The following SYT14 variants were observed in gnomAD, a reference collection of about 807,000 sequenced individuals.
SYT14 encodes the protein synaptotagmin-14.
A neutral mutation model predicts 74.2 loss-of-function variants in SYT14; 32 were observed. That is an observed-to-expected ratio of 0.43 (90% CI 0.33 to 0.58). SYT14 has a LOEUF of 0.58. Among genes scored for constraint, SYT14 ranks in the 20% least tolerant of loss-of-function variants. The pLI is 0.05. For missense variants in SYT14, 791 were observed against 981.8 expected (o/e 0.81, Z 2.60); for synonymous variants, 298 against 337.7 (o/e 0.88, Z 1.29).
At chr1:210,099,702 T>C (rs2082026749) in intron 6 of SYT14, among the ~76,000 whole-genome samples, 1 of 152,352 alleles carries the variant, frequency 6.6e-6, no homozygotes, top group East Asian at 1.9e-4. Flanking sequence ...GGAGCAGATA[T>C]ACCCACTAAA....
At position 209,944,512 on chromosome 1, in the gene SYT14, T is replaced by G. The variant is rs373271599; in HGVS notation, c.-534+6235T>G. Among the ~76,000 whole-genome samples, 10 of 152,344 alleles carry G rather than the reference T, an allele frequency of 6.6e-5. No individual in the cohort carries two copies. The East Asian group carries it at 9.6e-4, about 15-fold the overall frequency. On this transcript the variant is annotated intron_variant, in intron 1 of 9. Coordinates refer to ENST00000637265, the Ensembl canonical transcript of SYT14. ...AATTATAAAGTGCTCTGAGATATTGTTGTCAATAAGATCTAGTTTATTTTA... is the reference window on the plus strand; with the variant it reads ...AATTATAAAGTGCTCTGAGATATTGGTGTCAATAAGATCTAGTTTATTTTA...
Position 209,973,425 on chromosome 1 carries a change from T to C in SYT14, c.-486+20669T>C, listed in dbSNP as rs1384151720. 3.3e-5 allele frequency among the ~76,000 whole-genome samples: 5 copies of C among 152,228 alleles called. No individual in the cohort carries two copies. The East Asian group carries it at 7.7e-4, about 24-fold the overall frequency. On this transcript the variant is annotated intron_variant, in intron 2 of 9. Transcript: ENST00000637265. Reference sequence around the variant, plus strand: ...CCCTTCCTGTGTCCACATGTTCTTATTGTTCAGTTCCCACCTATGAGTGAG... The same window carrying C: ...CCCTTCCTGTGTCCACATGTTCTTACTGTTCAGTTCCCACCTATGAGTGAG...
chr1:209,956,367 C>T (rs773305061), intron 2 of SYT14, among the ~76,000 whole-genome samples: 4 of 152,114 alleles, frequency 2.6e-5, no homozygotes, highest in Non-Finnish European at 5.9e-5. Context: ...ATAGAACACT[C>T]CTTCAGCAGT....
chr1:210,119,125 C>G (rs946686485), intron 7 of SYT14, among the ~76,000 whole-genome samples: 2 of 152,106 alleles, frequency 1.3e-5, no homozygotes, highest in Non-Finnish European at 2.9e-5. Context: ...CAGCAAACTA[C>G]TAGTAATTAC....
intron 5 of SYT14, among the ~76,000 whole-genome samples, chr1:210,039,218 A>G (rs1177690753): frequency 1.3e-5 from 2 of 151,898 alleles, no homozygotes; most frequent in African/African-American, 2.4e-5. Flanking sequence ...GCTATGTTTT[A>G]TAATTCCTTC....
chr1:210,155,987 A>T, intron 8 of SYT14, 77 bp downstream of exon 7: 1 of 1,280,676 alleles, frequency 7.8e-7, no homozygotes, highest in Non-Finnish European at 1.1e-6. Context: ...GTTCAATCCT[A>T]TCATTTAGTC....
At position 210,099,918 on chromosome 1, in the gene SYT14, T is replaced by C. The variant is rs528629437; in HGVS notation, c.1585-94T>C. 2.7e-4 allele frequency: 334 copies of C among 1,247,014 alleles called. 1 individual carries two copies. The highest frequency in any genetic ancestry group is 2.7e-4 in the Middle Eastern group (1 of 3,770). 77.2% of individuals were successfully genotyped at this position (1,247,014 alleles called of 1,614,324 possible). ...ATTACTTTCTTTGTGGCAGAATTGT[T>C]TTCACATCTTCTAAAGAAATATCAA... On this transcript the variant is annotated intron_variant, in intron 6 of 9. Coordinates refer to ENST00000637265, the Ensembl canonical transcript of SYT14.
rs1238374511 is a variant in SYT14, at chr1:210,000,463, T to TACACACAC, written c.-485-13168_-485-13167insACACACAC. Among the ~76,000 whole-genome samples, 177 of 67,800 alleles carry TACACACAC rather than the reference T, an allele frequency of 2.6e-3. 1 individual carries two copies. The highest frequency in any genetic ancestry group is 0.016 in the African/African-American group (173 of 11,052). 44.5% of individuals were successfully genotyped at this position (67,800 alleles called of 152,430 possible). A position where few individuals can be genotyped will look rare whatever the true frequency, so the allele number is the denominator to read the frequency against. On this transcript the variant is annotated intron_variant, in intron 2 of 9. Coordinates refer to ENST00000637265, the Ensembl canonical transcript of SYT14. ...ATCTTATTTTAGTCCTTTGTCCTCATACGCACACACACACACACACACACA... is the reference window on the plus strand; with the variant it reads ...ATCTTATTTTAGTCCTTTGTCCTCATACACACACACGCACACACACACACACACACACA...
At chr1:210,000,479 C>CAG (rs1365848145) in intron 2 of SYT14, among the ~76,000 whole-genome samples, 7 of 150,990 alleles carry the variant, frequency 4.6e-5, no homozygotes, top group Non-Finnish European at 2.9e-5. Context: ...CACACACACA[C>CAG]ACACACACAC....
chr1:209,987,085 A>G (rs1211005045), intron 2 of SYT14, among the ~76,000 whole-genome samples: 2 of 152,182 alleles, frequency 1.3e-5, no homozygotes, highest in African/African-American at 2.4e-5. Context: ...GTCCATATCA[A>G]CATCATCATT....
At chr1:210,060,854 T>C (rs1358372413) in intron 5 of SYT14, among the ~76,000 whole-genome samples, 1 of 152,032 alleles carries the variant, frequency 6.6e-6, no homozygotes, top group Non-Finnish European at 1.5e-5. Flanking sequence ...TCTGCTATTT[T>C]CTTACAGAAT....
At chr1:210,019,957 A>ATTT (rs1378296348) in intron 4 of SYT14, among the ~76,000 whole-genome samples, 1 of 152,198 alleles carries the variant, frequency 6.6e-6, no homozygotes, top group African/African-American at 2.4e-5. Flanking sequence ...TTTGTTTGAA[A>ATTT]TTTAGGTATA....
intron 7 of SYT14, among the ~76,000 whole-genome samples, chr1:210,150,132 C>T (rs1291492746): frequency 6.6e-6 from 1 of 152,112 alleles, no homozygotes; most frequent in Non-Finnish European, 1.5e-5. Flanking sequence ...TGCTGTCTTC[C>T]TCTTTCCCAT....
intron 2 of SYT14, among the ~76,000 whole-genome samples, chr1:209,989,508 T>A (rs1324187002): frequency 6.6e-6 from 1 of 152,220 alleles, no homozygotes; most frequent in African/African-American, 2.4e-5. Context: ...CTTCAGCCTT[T>A]GAATCATTGT....
At chr1:210,014,140 T>C (rs1435291435) in intron 3 of SYT14, among the ~76,000 whole-genome samples, 1 of 152,192 alleles carries the variant, frequency 6.6e-6, no homozygotes, top group East Asian at 1.9e-4. Flanking sequence ...AGTAGCTCTT[T>C]AGAGAGCTTT....
At chr1:209,976,680 G>T (rs1317080183) in intron 2 of SYT14, among the ~76,000 whole-genome samples, 1 of 152,212 alleles carries the variant, frequency 6.6e-6, no homozygotes, top group East Asian at 1.9e-4. Context: ...TGTATGTTCT[G>T]TTGATTTGGG....
intron 7 of SYT14, among the ~76,000 whole-genome samples, chr1:210,134,029 T>TA: frequency 6.6e-6 from 1 of 152,128 alleles, no homozygotes. Flanking sequence ...GGCACATAGT[T>TA]ACAATTTGAT....
chr1:210,011,975 C>T, intron 2 of SYT14, among the ~76,000 whole-genome samples: 1 of 152,086 alleles, frequency 6.6e-6, no homozygotes. Flanking sequence ...GAGAAGCTGT[C>T]TTTTGTCTTT....
intron 7 of SYT14, among the ~76,000 whole-genome samples, chr1:210,112,806 G>A (rs2082288573): frequency 6.6e-6 from 1 of 151,340 alleles, no homozygotes; most frequent in East Asian, 1.9e-4. Flanking sequence ...TAACAGCATG[G>A]TGGTGCAGGA....
Sources: allele counts gnomAD v4.1 joint callset (sites outside exome capture counted in the v4.1 genomes callset), GRCh38; gene constraint gnomAD v4.1.1; transcripts MANE v1.5; gene names NCBI Gene and HGNC (gene_info 2026-07-23, HGNC 2026-07-21).